The following MEGF9 variants were observed in gnomAD, a reference collection of about 807,000 sequenced individuals.
MEGF9 encodes multiple epidermal growth factor-like domains protein 9.
A neutral mutation model predicts 46.8 loss-of-function variants in MEGF9; 6 were observed. The observed-to-expected ratio is 0.13, with a 90% CI of 0.07 to 0.25. The LOEUF (loss-of-function observed/expected upper bound fraction) is 0.25. MEGF9 is among the 10% of genes least tolerant of loss of function. The pLI, the probability that MEGF9 is intolerant of heterozygous loss-of-function variation, is 1.00. For missense variants in MEGF9, 683 were observed against 792.4 expected, an observed-to-expected ratio of 0.86 and a Z score of 1.66; for synonymous variants, 302 against 330.7, an observed-to-expected ratio of 0.91 and a Z score of 0.94.
intron 1 of MEGF9, among the ~76,000 whole-genome samples, chr9:120,699,435 T>C (rs960484716): frequency 1.7e-4 from 26 of 152,144 alleles, no homozygotes; most frequent in Admixed American, 1.2e-3. Context: ...GTAAAAAAAC[T>C]GGCCAGGTGC....
chr9:120,687,798 G>T (rs1038693657), intron 1 of MEGF9, among the ~76,000 whole-genome samples: 1 of 139,688 alleles, frequency 7.2e-6, no homozygotes, highest in East Asian at 2.2e-4. Flanking sequence ...AAAAAAAAAA[G>T]AACACCAGGA....
intron 2 of MEGF9, among the ~76,000 whole-genome samples, chr9:120,623,961 T>C (rs879350790): frequency 3.5e-4 from 54 of 152,368 alleles, no homozygotes; most frequent in Admixed American, 2.4e-3. Context: ...CTTTCAATGA[T>C]GGTGTTTGCC....
At chr9:120,686,785 T>G (rs2043824723) in intron 1 of MEGF9, among the ~76,000 whole-genome samples, 1 of 152,232 alleles carries the variant, frequency 6.6e-6, no homozygotes, top group South Asian at 2.1e-4. Context: ...AATGTGGATA[T>G]TAAATGAAAC....
intron 1 of MEGF9, among the ~76,000 whole-genome samples, chr9:120,676,774 T>C (rs1587992466): frequency 6.6e-6 from 1 of 152,200 alleles, no homozygotes; most frequent in African/African-American, 2.4e-5. Context: ...AAAATAATTG[T>C]CATTTACTAT....
Position 120,628,465 on chromosome 9 carries a change from G to GTCGTTTT in MEGF9, c.804-5711_804-5710insAAAACGA, listed in dbSNP as rs1306331353. Among the ~76,000 whole-genome samples, 12 of 52,742 alleles carry GTCGTTTT rather than the reference G, an allele frequency of 2.3e-4. 3 individuals are homozygous for GTCGTTTT. Among genetic ancestry groups the GTCGTTTT allele is most frequent in the Non-Finnish European group, 8.0e-5 (2 of 24,884 alleles). 34.6% of individuals were successfully genotyped at this position (52,742 alleles called of 152,430 possible). A position where few individuals can be genotyped will look rare whatever the true frequency, so the allele number is the denominator to read the frequency against. On this transcript the variant is annotated intron_variant, in intron 2 of 5. Transcript: ENST00000373930. Reference sequence around the variant, plus strand: ...CCATATTCAGACAGAAATTCTTGTCGTTGTTTTTTTTTTTTTTTTTTTTTT... The same window carrying GTCGTTTT: ...CCATATTCAGACAGAAATTCTTGTCGTCGTTTTTTGTTTTTTTTTTTTTTTTTTTTTT...
intron 1 of MEGF9, among the ~76,000 whole-genome samples, chr9:120,661,475 C>T (rs572911688): frequency 4.6e-5 from 7 of 152,336 alleles, no homozygotes; most frequent in African/African-American, 1.7e-4. Context: ...CAAGATCTTG[C>T]CACTGCACCC....
chr9:120,673,653 T>G (rs976211462), intron 1 of MEGF9, among the ~76,000 whole-genome samples: 1 of 151,440 alleles, frequency 6.6e-6, no homozygotes, highest in Non-Finnish European at 1.5e-5. Context: ...AAACTTGACA[T>G]AAACCACACC....
At position 120,652,181 on chromosome 9, in the gene MEGF9, C is replaced by CAAAAAAAAAAAA. The variant is rs869214058; in HGVS notation, c.803+7181_803+7192dup. ...ACACACACACACACACACACACACA[C>CAAAAAAAAAAAA]AAAAAAAAAAAAAAAAAAAACAGGT... On this transcript the variant is annotated intron_variant, in intron 2 of 5. Coordinates refer to ENST00000373930, the MANE Select transcript of MEGF9 (RefSeq NM_001080497.3). Among the ~76,000 whole-genome samples, 3 of 9,094 alleles carry CAAAAAAAAAAAA rather than the reference C, an allele frequency of 3.3e-4. 1 individual carries two copies. Among genetic ancestry groups the CAAAAAAAAAAAA allele is most frequent in the Non-Finnish European group, 6.0e-4 (3 of 4,972 alleles). 6.0% of individuals were successfully genotyped at this position (9,094 alleles called of 152,430 possible).
chr9:120,619,442 C>T (rs189357744), intron 3 of MEGF9, among the ~76,000 whole-genome samples: 55 of 152,302 alleles, frequency 3.6e-4, no homozygotes, highest in Admixed American at 9.8e-4. Flanking sequence ...TATATAAAGG[C>T]TGTACAAGTG....
chr9:120,630,658 A>G (rs777226022), intron 2 of MEGF9, among the ~76,000 whole-genome samples: 16 of 152,172 alleles, frequency 1.1e-4, no homozygotes, highest in Admixed American at 6.5e-4. Flanking sequence ...TTTTCTCTGC[A>G]TCTTTGCCAG....
Position 120,612,426 on chromosome 9 carries a change from C to T in MEGF9, c.1057G>A (p.Ala353Thr), listed in dbSNP as rs1249988273. 2 of 1,613,348 alleles carry T rather than the reference C, an allele frequency of 1.2e-6. No homozygotes were observed. Among genetic ancestry groups the T allele is most frequent in the Non-Finnish European group, 1.7e-6 (2 of 1,179,578 alleles). The change falls in exon 4 of 6, where the codon GCA becomes ACA. Residue 353 changes from alanine to threonine, a missense_variant. Transcript: ENST00000373930. Reference protein sequence around the residue: ...TKECLRCPCSAVTSTGSCSIK... With the variant: ...TKECLRCPCSTVTSTGSCSIK... The stretch of plus-strand genomic sequence containing the variant: ...GAGCAGCTGCCTGTAGATGTCACTG[C>T]TGAACAAGGGCAGCGAAGACATTCT...
chr9:120,710,263 T>C (rs1396143100), intron 1 of MEGF9, among the ~76,000 whole-genome samples: 7 of 151,054 alleles, frequency 4.6e-5, no homozygotes, highest in Admixed American at 4.6e-4. Flanking sequence ...ACACTGTCTT[T>C]ACTAAAAACA....
At chr9:120,606,158 G>A (rs1410606351) in intron 5 of MEGF9, among the ~76,000 whole-genome samples, 3 of 143,838 alleles carry the variant, frequency 2.1e-5, no homozygotes, top group South Asian at 2.2e-4. Flanking sequence ...GTGACAGAGC[G>A]AGACTCTGTC....
intron 2 of MEGF9, among the ~76,000 whole-genome samples, chr9:120,638,697 C>T (rs530613614): frequency 1.3e-5 from 2 of 152,204 alleles, no homozygotes; most frequent in African/African-American, 4.8e-5. Context: ...AATCTGGCAC[C>T]TTGAAGTAGC....
In MEGF9 at chr9:120,611,832, A is replaced by AAAGGAAGGAAGGAAGGAAGG. The variant is rs200715578; in HGVS notation, c.1087+544_1087+563dup. 1.0e-3 allele frequency among the ~76,000 whole-genome samples: 142 copies of AAAGGAAGGAAGGAAGGAAGG among 139,338 alleles called. 1 individual carries two copies. Among genetic ancestry groups the AAAGGAAGGAAGGAAGGAAGG allele is most frequent in the African/African-American group, 3.7e-3 (127 of 34,480 alleles). 91.4% of individuals were successfully genotyped at this position (139,338 alleles called of 152,430 possible). On this transcript the variant is annotated intron_variant, in intron 4 of 5. Coordinates refer to ENST00000373930, the MANE Select transcript of MEGF9 (RefSeq NM_001080497.3). Reference sequence around the variant, plus strand: ...AGAAAGAAAAGAAAAGAAAAGAAAGAAAGGAAGGAAGGAAGGAAGGAAGGA... The same window carrying AAAGGAAGGAAGGAAGGAAGG: ...AGAAAGAAAAGAAAAGAAAAGAAAGAAAGGAAGGAAGGAAGGAAGGAAGGAAGGAAGGAAGGAAGGAAGGA...
At chr9:120,663,367 T>A (rs1179622529) in intron 1 of MEGF9, among the ~76,000 whole-genome samples, 1 of 152,218 alleles carries the variant, frequency 6.6e-6, no homozygotes, top group Non-Finnish European at 1.5e-5. Flanking sequence ...CCAGGATAAT[T>A]TGTTAGCTTG....
chr9:120,657,564 A>C (rs1047564959), intron 2 of MEGF9, among the ~76,000 whole-genome samples: 1 of 152,218 alleles, frequency 6.6e-6, no homozygotes, highest in Non-Finnish European at 1.5e-5. Flanking sequence ...TATTATTCCA[A>C]AGAAAGTAGT....
rs2043766224 is a variant in MEGF9, at chr9:120,674,924, G to A, written c.602-15349C>T. ...GACGGAGTCTTGCTCTGTCACCCAG[G>A]CTGGAGTGCAGTGGCGCGATCTCGG... On this transcript the variant is annotated intron_variant, in intron 1 of 5. Coordinates refer to ENST00000373930, the MANE Select transcript of MEGF9 (RefSeq NM_001080497.3). 2.0e-5 allele frequency among the ~76,000 whole-genome samples: 3 copies of A among 151,150 alleles called. No homozygotes were observed. In the South Asian group the frequency reaches 6.3e-4, roughly 32 times the overall value.
At chr9:120,689,316 T>C (rs1378440566) in intron 1 of MEGF9, among the ~76,000 whole-genome samples, 2 of 152,046 alleles carry the variant, frequency 1.3e-5, no homozygotes, top group Non-Finnish European at 2.9e-5. Context: ...AAAGAGAGCA[T>C]AGTACTATAG....
Sources: allele counts gnomAD v4.1 joint callset (sites outside exome capture counted in the v4.1 genomes callset), GRCh38; gene constraint gnomAD v4.1.1; transcripts MANE v1.5; gene names NCBI Gene and HGNC (gene_info 2026-07-23, HGNC 2026-07-21).